Variants in ZBTB34 observed in about 807,000 individuals in gnomAD.
ZBTB34 encodes the protein zinc finger and BTB domain containing 34, also known as zinc finger and BTB domain-containing protein 34.
ZBTB34 carries 1 observed loss-of-function variant against 33.4 expected under a neutral mutation model. The observed-to-expected ratio is 0.03, with a 90% CI of 0.01 to 0.14. ZBTB34 has a LOEUF of 0.14. Ranked by LOEUF, ZBTB34 falls within the 10% of genes least tolerant of loss-of-function variation. ZBTB34 has a pLI of 1.00. For missense variants in ZBTB34, 406 were observed against 657.2 expected (o/e 0.62, Z 4.18); for synonymous variants, 283 against 253.5 (o/e 1.12, Z -1.11).
exon 2 of ZBTB34, chr9:126,881,636 A>T (rs888315840): frequency 1.2e-5 from 2 of 167,094 alleles, no homozygotes; most frequent in Admixed American, 1.3e-4. Flanking sequence ...TAACAAATAC[A>T]TAAACCAAAT....
At chr9:126,873,919 T>C (rs2033316324) in intron 1 of ZBTB34, among the ~76,000 whole-genome samples, 1 of 152,130 alleles carries the variant, frequency 6.6e-6, no homozygotes, top group African/African-American at 2.4e-5. Context: ...GCATTTTTTC[T>C]CTACATGTAA....
chr9:126,880,296 A>G lies in ZBTB34; in HGVS notation c.897A>G (p.Val299=), dbSNP rs777327619. Residue 299 remains valine (V), a synonymous_variant, in exon 2 of 2, where the codon GTA becomes GTG. Transcript: ENST00000319119. This position sits in a 1 kb window ranked among gnomAD's most constrained non-coding sequence, Gnocchi z 6.7. ...AAGCAGCCTCACAGCCAACCAATGT[A>G]TCAGAAGCTTTTGGAAGTTTGAGTA... The G allele has an allele frequency of 4.5e-5, 73 of 1,613,842 alleles. No individual in the cohort carries two copies. Among genetic ancestry groups the G allele is most frequent in the Non-Finnish European group, 5.4e-5 (64 of 1,179,906 alleles).
intron 1 of ZBTB34, among the ~76,000 whole-genome samples, chr9:126,874,881 G>A (rs927416155): frequency 6.6e-6 from 1 of 152,084 alleles, no homozygotes; most frequent in Non-Finnish European, 1.5e-5. Flanking sequence ...CTCCCCCATC[G>A]TGAAAGATCT....
At position 126,879,378 on chromosome 9, in the gene ZBTB34, C is replaced by G. The variant is rs930080610; in HGVS notation, c.-10-12C>G. Reference sequence around the variant, plus strand: ...GTCATTGGTGAATGATGCAAACTCTCTCTCTCCGCAGAGTACGCTTCATGT... The same window carrying G: ...GTCATTGGTGAATGATGCAAACTCTGTCTCTCCGCAGAGTACGCTTCATGT... On this transcript the variant is annotated splice_polypyrimidine_tract_variant and intron_variant, in intron 1 of 1. Coordinates refer to ENST00000319119, the Ensembl canonical transcript of ZBTB34. This position sits in a 1 kb window ranked among gnomAD's most constrained non-coding sequence, Gnocchi z 6.4. 2 of 1,579,714 alleles carry G rather than the reference C, an allele frequency of 1.3e-6. No homozygotes were observed. The highest frequency in any genetic ancestry group is 2.7e-5 in the African/African-American group (2 of 74,096).
At chr9:126,873,695 C>A (rs1055861154) in intron 1 of ZBTB34, among the ~76,000 whole-genome samples, 32 of 152,062 alleles carry the variant, frequency 2.1e-4, no homozygotes, top group African/African-American at 7.7e-4. Context: ...ACCTCCGCCT[C>A]CCGGGTTCAA....
At position 126,877,460 on chromosome 9, in the gene ZBTB34, G is replaced by T. The variant is rs892712855; in HGVS notation, c.-10-1930G>T. Among the ~76,000 whole-genome samples, 5 of 152,086 alleles carry T rather than the reference G, an allele frequency of 3.3e-5. No homozygotes were observed. In the East Asian group the frequency reaches 9.6e-4, roughly 29 times the overall value. The stretch of plus-strand genomic sequence containing the variant: ...TTTTTTCTGATCTAATACTTAGGAG[G>T]TGTTTACATTTCTGTTGGTCAGGTT... On this transcript the variant is annotated intron_variant, in intron 1 of 1. Coordinates refer to ENST00000319119, the Ensembl canonical transcript of ZBTB34.
Position 126,880,944 on chromosome 9 carries a change from A to G in ZBTB34, c.*30A>G. 1 of 1,570,512 alleles carries G rather than the reference A, an allele frequency of 6.4e-7. No individual in the cohort carries two copies. Among genetic ancestry groups the G allele is most frequent in the Non-Finnish European group, 8.6e-7 (1 of 1,156,240 alleles). On this transcript the variant is annotated 3_prime_UTR_variant, in exon 2 of 2. Coordinates refer to ENST00000319119, the Ensembl canonical transcript of ZBTB34. The surrounding 1 kb of genome is among the most constrained non-coding windows in gnomAD (Gnocchi z 6.7). ...GTAAAGAAGTGCACCCAAACAAAGC[A>G]CATTAATCAATGCATATTTGTGATT... is the stretch of plus-strand genomic sequence containing the variant.
intron 1 of ZBTB34, among the ~76,000 whole-genome samples, chr9:126,877,625 G>A (rs74517792): frequency 3.3e-5 from 5 of 152,318 alleles, no homozygotes; most frequent in Non-Finnish European, 7.3e-5. Context: ...TAGGTGTGCC[G>A]CAGCTGTGAG....
At chr9:126,867,389 C>G (rs1379366354) in intron 1 of ZBTB34, among the ~76,000 whole-genome samples, 1 of 150,816 alleles carries the variant, frequency 6.6e-6, no homozygotes, top group Non-Finnish European at 1.5e-5. Flanking sequence ...TTTTGTATTT[C>G]AAACGTCTTT....
chr9:126,879,290 A>G lies in ZBTB34; in HGVS notation c.-10-100A>G, dbSNP rs1246292224. ...ATGCTTCAGGTAGATTTTAGGAGGT[A>G]TGATAGCCACAATGGTATTGTTGTT... On this transcript the variant is annotated intron_variant, in intron 1 of 1. Coordinates refer to ENST00000319119, the Ensembl canonical transcript of ZBTB34. This position sits in a 1 kb window ranked among gnomAD's most constrained non-coding sequence, Gnocchi z 6.4. The G allele has an allele frequency of 4.1e-6, 4 of 974,024 alleles. No homozygotes were observed. Among genetic ancestry groups the G allele is most frequent in the Admixed American group, 2.6e-5 (1 of 39,056 alleles). The allele number at this position is 974,024 out of a possible 1,614,324, so 60.3% of individuals were successfully genotyped here. A position where few individuals can be genotyped will look rare whatever the true frequency, so the allele number is the denominator to read the frequency against.
chr9:126,876,846 G>T (rs146692088), intron 1 of ZBTB34, among the ~76,000 whole-genome samples: 1 of 152,224 alleles, frequency 6.6e-6, no homozygotes, highest in African/African-American at 2.4e-5. Context: ...ATAAATAAGG[G>T]CACAGTATTC....
Position 126,879,403 on chromosome 9 carries a change from T to A in ZBTB34, c.4T>A (p.Ser2Thr), listed in dbSNP as rs1381401425. ...CTCTCTCCGCAGAGTACGCTTCATG[T>A]CAGTAGAAATGGACAGCAGCAGTTT... is the stretch of plus-strand genomic sequence containing the variant. Residue 2 changes from serine to threonine, a missense_variant, in exon 2 of 2, where the codon TCA (serine) becomes ACA (threonine). Ser to Thr is a moderately conservative substitution (Grantham distance 58, BLOSUM62 1). Around this residue, in one of 6 missense-constraint regions of ZBTB34, gnomAD observed 50 missense variants for 157.9 expected, o/e 0.32. Transcript: ENST00000319119. The surrounding 1 kb of genome is among the most constrained non-coding windows in gnomAD (Gnocchi z 6.4). The A allele has an allele frequency of 5.6e-6, 9 of 1,610,068 alleles. No individual in the cohort carries two copies. The highest frequency in any genetic ancestry group is 7.6e-6 in the Non-Finnish European group (9 of 1,177,706).
Position 126,879,250 on chromosome 9 carries a change from AAAAC to A in ZBTB34, c.-10-137_-10-134del, listed in dbSNP as rs1445647837. On this transcript the variant is annotated intron_variant, in intron 1 of 1. Transcript: ENST00000319119. This position sits in a 1 kb window ranked among gnomAD's most constrained non-coding sequence, Gnocchi z 6.4. ...TGAATTAACCAAAACATGAAAGACT[AAAAC>A]AAGGGGAAGAATGCTTCAGGTAGAT... 2.9e-6 allele frequency: 2 copies of A among 682,316 alleles called. No homozygotes were observed. Among genetic ancestry groups the A allele is most frequent in the African/African-American group, 1.8e-5 (1 of 55,614 alleles). 42.3% of individuals were successfully genotyped at this position (682,316 alleles called of 1,614,324 possible). A position where few individuals can be genotyped will look rare whatever the true frequency, so the allele number is the denominator to read the frequency against.
At chr9:126,866,853 C>T (rs918652177) in intron 1 of ZBTB34, among the ~76,000 whole-genome samples, 3 of 152,152 alleles carry the variant, frequency 2.0e-5, no homozygotes, top group African/African-American at 4.8e-5. Flanking sequence ...TCCCTTCCCT[C>T]TCCTTAGTCC....
chr9:126,865,640 C>T (rs1360001897), intron 1 of ZBTB34, among the ~76,000 whole-genome samples: 1 of 152,132 alleles, frequency 6.6e-6, no homozygotes, highest in South Asian at 2.1e-4. Flanking sequence ...TCCATTGTTG[C>T]ATTTCCTCAC....
chr9:126,882,132 G>C (rs1381944768), exon 2 of ZBTB34: 1 of 165,786 alleles, frequency 6.0e-6, no homozygotes, highest in Non-Finnish European at 1.5e-5. Context: ...GTGCTAATGA[G>C]AGCCTCAGTG....
chr9:126,873,430 AT>A (rs2033307680), intron 1 of ZBTB34, among the ~76,000 whole-genome samples: 1 of 151,686 alleles, frequency 6.6e-6, no homozygotes, highest in Middle Eastern at 3.4e-3. Flanking sequence ...TGCCTGACTA[AT>A]TTTTGTATTT....
At chr9:126,871,361 T>G (rs1009702329) in intron 1 of ZBTB34, among the ~76,000 whole-genome samples, 6 of 148,292 alleles carry the variant, frequency 4.0e-5, no homozygotes, top group Admixed American at 1.4e-4. Flanking sequence ...GGAAAGATTT[T>G]TTTTCTTTTT....
chr9:126,865,622 A>T (rs574210118), intron 1 of ZBTB34, among the ~76,000 whole-genome samples: 1 of 152,288 alleles, frequency 6.6e-6, no homozygotes, highest in South Asian at 2.1e-4. Flanking sequence ...AGAGGATGTC[A>T]TTAGTTTTCC....
Sources: allele counts gnomAD v4.1 joint callset (sites outside exome capture counted in the v4.1 genomes callset), GRCh38; gene constraint gnomAD v4.1.1; regional missense constraint gnomAD v4.1.1; non-coding constraint Gnocchi (gnomAD v3.1); transcripts MANE v1.5; gene names NCBI Gene and HGNC (gene_info 2026-07-23, HGNC 2026-07-21).